The following AIG1 variants were observed in gnomAD, a reference collection of about 807,000 sequenced individuals.
The protein encoded by AIG1 is androgen-induced gene 1 protein.
A neutral mutation model predicts 31.4 loss-of-function variants in AIG1; 23 were observed. The ratio of observed to expected loss-of-function variants is 0.73; its 90% CI spans 0.53 to 1.04. The LOEUF is 1.04. AIG1 is among the 50% of genes least tolerant of loss of function. The probability of loss-of-function intolerance (pLI) is 0.00; values close to 1 mark genes in which losing one functional copy is unlikely to be tolerated. For synonymous variants in AIG1, 100 were observed against 110.5 expected, an observed-to-expected ratio of 0.90 and a Z score of 0.60; for missense variants, 274 against 295.0, an observed-to-expected ratio of 0.93 and a Z score of 0.52.
chr6:143,188,780 A>T (rs1296996441), intron 3 of AIG1: 1 of 985,316 alleles, frequency 1.0e-6, no homozygotes, highest in African/African-American at 1.7e-5. Context: ...TGGGAAACAT[A>T]CATCTGTAAG....
At chr6:143,251,468 A>G (rs1479709405) in intron 3 of AIG1, among the ~76,000 whole-genome samples, 1 of 152,154 alleles carries the variant, frequency 6.6e-6, no homozygotes, top group Non-Finnish European at 1.5e-5. Context: ...CTTGAAAACA[A>G]ACACACCTGA....
intron 3 of AIG1, among the ~76,000 whole-genome samples, chr6:143,186,036 A>G (rs1038810264): frequency 5.9e-5 from 9 of 152,148 alleles, no homozygotes; most frequent in Admixed American, 5.2e-4. Context: ...CAGCACAGCT[A>G]TATCTGATGG....
At chr6:143,072,764 T>C (rs1777407602) in intron 1 of AIG1, among the ~76,000 whole-genome samples, 1 of 152,222 alleles carries the variant, frequency 6.6e-6, no homozygotes, top group African/African-American at 2.4e-5. Context: ...TGTGTGTATT[T>C]AAGGTATACA....
Position 143,284,038 on chromosome 6 carries a change from C to T in AIG1, c.400-72C>T, listed in dbSNP as rs1797524191. 1.0e-5 allele frequency: 11 copies of T among 1,103,902 alleles called. No individual in the cohort carries two copies. The South Asian group carries it at 1.2e-4, about 12-fold the overall frequency. The allele number at this position is 1,103,902 out of a possible 1,614,324, so 68.4% of individuals were successfully genotyped here. A position where few individuals can be genotyped will look rare whatever the true frequency, so the allele number is the denominator to read the frequency against. On this transcript the variant is annotated intron_variant, in intron 3 of 5. Coordinates refer to ENST00000357847, the MANE Select transcript of AIG1 (RefSeq NM_016108.4). The surrounding 1 kb of genome is among the most constrained non-coding windows in gnomAD (Gnocchi z 4.4). The stretch of plus-strand genomic sequence containing the variant: ...CTAGGAATTTATAGTGTGCATTCTC[C>T]TACTGGTGAAAAAACAACTATAGAG...
intron 1 of AIG1, among the ~76,000 whole-genome samples, chr6:143,125,198 T>G (rs924573670): frequency 4.6e-5 from 7 of 152,346 alleles, no homozygotes; most frequent in Admixed American, 1.3e-4. Flanking sequence ...TTTACTGCAC[T>G]TCAGAACATG....
At chr6:143,073,802 G>C (rs563877579) in intron 1 of AIG1, among the ~76,000 whole-genome samples, 31 of 152,312 alleles carry the variant, frequency 2.0e-4, no homozygotes, top group African/African-American at 6.0e-4. Context: ...AGAATTAAGT[G>C]CTAAACACTT....
rs147432189 is a variant in AIG1 at position 143,284,928 on chromosome 6, C to A, written c.515+703C>A. On this transcript the variant is annotated intron_variant, in intron 4 of 5. Transcript: ENST00000357847. This position sits in a 1 kb window ranked among gnomAD's most constrained non-coding sequence, Gnocchi z 4.4. ...TCTTAACATAGAGAATTTCTTATTT[C>A]TCTTTATAATTCCAAGTCCTCTTTG... Among the ~76,000 whole-genome samples the A allele has an allele frequency of 2.0e-4, 31 of 152,098 alleles. No individual in the cohort carries two copies. The highest frequency in any genetic ancestry group is 6.5e-5 in the Admixed American group (1 of 15,278).
intron 3 of AIG1, among the ~76,000 whole-genome samples, chr6:143,180,578 G>A (rs1187526078): frequency 6.6e-6 from 1 of 152,170 alleles, no homozygotes; most frequent in Admixed American, 6.5e-5. Flanking sequence ...CTTCAGTGAT[G>A]CTATAACAGG....
intron 3 of AIG1, among the ~76,000 whole-genome samples, chr6:143,205,789 T>G (rs1463698197): frequency 6.6e-6 from 1 of 152,216 alleles, no homozygotes; most frequent in African/African-American, 2.4e-5. Context: ...ATTCATGAGG[T>G]CTTTCAGCCA....
At chr6:143,277,637 C>G (rs995813923) in intron 3 of AIG1, among the ~76,000 whole-genome samples, 1 of 152,206 alleles carries the variant, frequency 6.6e-6, no homozygotes, top group African/African-American at 2.4e-5. Context: ...CTTCCAGAGG[C>G]CTGCCTGTAT....
chr6:143,328,432 A>G lies in AIG1; in HGVS notation c.516-4850A>G, dbSNP rs1253508991. Among the ~76,000 whole-genome samples, 2 of 152,206 alleles carry G rather than the reference A, an allele frequency of 1.3e-5. No homozygotes were observed. The highest frequency in any genetic ancestry group is 4.8e-5 in the African/African-American group (2 of 41,452). The stretch of plus-strand genomic sequence containing the variant: ...AGTTAAATACACAAGAGAAAGAAAG[A>G]CTAAAGGCAAGTGGGAGGTTTAAAA... On this transcript the variant is annotated intron_variant, in intron 4 of 5. Coordinates refer to ENST00000357847, the MANE Select transcript of AIG1 (RefSeq NM_016108.4). This position sits in a 1 kb window ranked among gnomAD's most constrained non-coding sequence, Gnocchi z 4.0.
chr6:143,266,492 A>AAC (rs369098822), intron 3 of AIG1, among the ~76,000 whole-genome samples: 147 of 151,924 alleles, frequency 9.7e-4, no homozygotes, highest in African/African-American at 2.4e-3. Context: ...CCTAAGTGTT[A>AAC]ACACACACAC....
At chr6:143,063,156 C>G (rs1242117997) in intron 1 of AIG1, among the ~76,000 whole-genome samples, 1 of 152,170 alleles carries the variant, frequency 6.6e-6, no homozygotes, top group African/African-American at 2.4e-5. Context: ...TGACATGAAA[C>G]CATAGTAGAG....
intron 3 of AIG1, among the ~76,000 whole-genome samples, chr6:143,250,206 T>C (rs1794916216): frequency 6.6e-6 from 1 of 152,222 alleles, no homozygotes; most frequent in South Asian, 2.1e-4. Context: ...GTGTCTTCTT[T>C]CCTTCTCAAG....
At chr6:143,110,344 A>G (rs938467542) in intron 1 of AIG1, among the ~76,000 whole-genome samples, 1 of 152,192 alleles carries the variant, frequency 6.6e-6, no homozygotes, top group African/African-American at 2.4e-5. Context: ...CAGCTTGCCA[A>G]ATTTCACACA....
chr6:143,096,058 C>T (rs1192675934), intron 1 of AIG1, among the ~76,000 whole-genome samples: 1 of 151,990 alleles, frequency 6.6e-6, no homozygotes, highest in African/African-American at 2.4e-5. Context: ...AGGCGTGTGC[C>T]ACCATGCCCG....
At chr6:143,269,127 T>A (rs1382676305) in intron 3 of AIG1, among the ~76,000 whole-genome samples, 1 of 152,212 alleles carries the variant, frequency 6.6e-6, no homozygotes, top group African/African-American at 2.4e-5. Context: ...TGGACAGGTG[T>A]TGGTCCTAGA....
chr6:143,085,411 C>G (rs1003022621), intron 1 of AIG1, among the ~76,000 whole-genome samples: 13 of 152,146 alleles, frequency 8.5e-5, no homozygotes, highest in African/African-American at 2.9e-4. Flanking sequence ...AGTCCTGCAC[C>G]CCTTTTCCCA....
At chr6:143,261,154 CAG>C (rs1795748903) in intron 3 of AIG1, among the ~76,000 whole-genome samples, 1 of 151,934 alleles carries the variant, frequency 6.6e-6, no homozygotes. Flanking sequence ...TCTTTTGAGA[CAG>C]AGTCTCCCTC....
Sources: allele counts gnomAD v4.1 joint callset (sites outside exome capture counted in the v4.1 genomes callset), GRCh38; gene constraint gnomAD v4.1.1; non-coding constraint Gnocchi (gnomAD v3.1); transcripts MANE v1.5; gene names NCBI Gene and HGNC (gene_info 2026-07-23, HGNC 2026-07-21).